Variants in TMTC4 observed in about 807,000 individuals in gnomAD.
The protein encoded by TMTC4 is transmembrane O-mannosyltransferase targeting cadherins 4, also known as protein O-mannosyl-transferase TMTC4.
A neutral mutation model predicts 86.0 loss-of-function variants in TMTC4; 65 were observed. The observed-to-expected ratio is 0.76, with a 90% CI of 0.62 to 0.93. The LOEUF is 0.93. Ranked by LOEUF, TMTC4 falls within the 40% of genes least tolerant of loss-of-function variation. TMTC4 has a pLI of 0.00. For synonymous variants in TMTC4, 379 were observed against 382.5 expected (o/e 0.99, Z 0.11); for missense variants, 866 against 948.1 (o/e 0.91, Z 1.14).
In TMTC4 at chr13:100,642,140, C is replaced by A. The variant is rs1304858591; in HGVS notation, c.741+71G>T. On this transcript the variant is annotated intron_variant, in intron 7 of 18. Coordinates refer to ENST00000342624, the MANE Select transcript of TMTC4 (RefSeq NM_032813.5). ...GAGAACGCCACAGAGGCAGGGCCAG[C>A]CCCAGATGTCTTTATAGGAGGGAAA... 7.2e-6 allele frequency: 11 copies of A among 1,527,482 alleles called. No individual in the cohort carries two copies. The East Asian group carries it at 2.0e-4, about 28-fold the overall frequency. 94.6% of individuals were successfully genotyped at this position (1,527,482 alleles called of 1,614,324 possible).
intron 3 of TMTC4, 73 bp downstream of exon 3, chr13:100,668,506 C>T: frequency 6.9e-7 from 1 of 1,455,916 alleles, no homozygotes; most frequent in East Asian, 2.4e-5. Context: ...GAGAACAATG[C>T]AACACATACT....
At position 100,614,313 on chromosome 13, in the gene TMTC4, T is replaced by C. The variant is rs201824243; in HGVS notation, c.1951+3A>G. 992 of 1,610,238 alleles carry C rather than the reference T, an allele frequency of 6.2e-4. No homozygotes were observed. Among genetic ancestry groups the C allele is most frequent in the Middle Eastern group, 3.0e-3 (18 of 6,046 alleles). ...GTGATTTGTTCCATCCAGCTTTCTG[T>C]ACCTGTATTGTCGAGGAGTATAATC... On this transcript the variant is annotated splice_donor_region_variant and intron_variant, in intron 16 of 18. Coordinates refer to ENST00000342624, the MANE Select transcript of TMTC4 (RefSeq NM_032813.5).
At chr13:100,614,282 T>C (rs756934882) in intron 16 of TMTC4, 34 bp downstream of exon 16, 1 of 1,522,224 alleles carries the variant, frequency 6.6e-7, no homozygotes, top group Non-Finnish European at 9.1e-7. Flanking sequence ...TGTGGAGCCA[T>C]TTCCTGTGAT....
Position 100,636,555 on chromosome 13 carries a change from G to A in TMTC4, c.1179C>T (p.Cys393=), listed in dbSNP as rs759821891. The change falls in exon 10 of 19, where the codon TGC becomes TGT. Residue 393 remains cysteine, a synonymous_variant. Coordinates refer to ENST00000342624, the MANE Select transcript of TMTC4 (RefSeq NM_032813.5). The part of the protein sequence containing the change: ...CLIGLICQAL[C]SEDGHKRRIL... ...ACCTTCTCTTGTGGCCGTCTTCAGA[G>A]CACAGGGCTTGGCATATCAGGCCAA... 3 of 1,614,218 alleles carry A rather than the reference G, an allele frequency of 1.9e-6. No individual in the cohort carries two copies. Among genetic ancestry groups the A allele is most frequent in the South Asian group, 1.1e-5 (1 of 91,082 alleles).
chr13:100,644,990 T>A (rs987869094), intron 6 of TMTC4, among the ~76,000 whole-genome samples: 4 of 152,168 alleles, frequency 2.6e-5, no homozygotes, highest in African/African-American at 9.7e-5. Context: ...AATTTTTGTA[T>A]TTTTAGTAGA....
chr13:100,618,865 A>G (rs1441591054), intron 15 of TMTC4, among the ~76,000 whole-genome samples: 6 of 152,206 alleles, frequency 3.9e-5, no homozygotes, highest in Admixed American at 1.3e-4. Flanking sequence ...ACGGAACAAA[A>G]TGAAAAGTCT....
chr13:100,617,140 T>G (rs1878629825), intron 15 of TMTC4, among the ~76,000 whole-genome samples: 1 of 151,938 alleles, frequency 6.6e-6, no homozygotes, highest in African/African-American at 2.4e-5. Flanking sequence ...TTTTTTTTTT[T>G]AAAGACAGGG....
intron 6 of TMTC4, among the ~76,000 whole-genome samples, chr13:100,648,813 G>A (rs933871256): frequency 2.6e-5 from 4 of 152,142 alleles, no homozygotes; most frequent in Non-Finnish European, 5.9e-5. Flanking sequence ...CCGAATAGCT[G>A]GGACCACAGG....
In TMTC4 at chr13:100,605,226, C is replaced by T. The variant is rs560475229; in HGVS notation, c.2135-84G>A. 1.4e-6 allele frequency: 2 copies of T among 1,459,730 alleles called. No individual in the cohort carries two copies. The highest frequency in any genetic ancestry group is 2.3e-5 in the East Asian group (1 of 42,730). The allele number at this position is 1,459,730 out of a possible 1,614,324, so 90.4% of individuals were successfully genotyped here. ...TACCCTCTTGGACAAAGAAATATTA[C>T]AGATCCTATGCAAACAGTTTTCAAA... On this transcript the variant is annotated intron_variant, in intron 18 of 18. Transcript: ENST00000342624. The surrounding 1 kb of genome is among the most constrained non-coding windows in gnomAD (Gnocchi z 4.3).
In TMTC4 at chr13:100,637,954, T is replaced by A; in HGVS notation, c.810A>T (p.Val270=). ...KFNVLEIVQK[V]LHKDKSLENL... The stretch of plus-strand genomic sequence containing the variant: ...CCTCTAATGACTTGTCCTTATGTAG[T>A]ACCTTCTGGACAATTTCCAGAACAT... Residue 270 remains valine, a synonymous_variant, in exon 8 of 19, where the codon GTA becomes GTT. Transcript: ENST00000342624. 1 of 1,613,966 alleles carries A rather than the reference T, an allele frequency of 6.2e-7. No homozygotes were observed. Among genetic ancestry groups the A allele is most frequent in the South Asian group, 1.1e-5 (1 of 91,042 alleles).
At chr13:100,627,052 C>A (rs1880656578) in intron 12 of TMTC4, among the ~76,000 whole-genome samples, 1 of 152,176 alleles carries the variant, frequency 6.6e-6, no homozygotes, top group South Asian at 2.1e-4. Context: ...CAGGCCCTTA[C>A]CACACACCCA....
At chr13:100,609,554 A>G (rs1877214522) in intron 17 of TMTC4, among the ~76,000 whole-genome samples, 1 of 152,102 alleles carries the variant, frequency 6.6e-6, no homozygotes, top group Non-Finnish European at 1.5e-5. Context: ...TTACTTTTGT[A>G]TTTTTGCTTT....
At position 100,632,340 on chromosome 13, in the gene TMTC4, A is replaced by C. The variant is rs1042083963; in HGVS notation, c.1506+2465T>G. Reference sequence around the variant, plus strand: ...TTCAGTTTCTCCCATCTGGGAAAACAGAGAAAATAATACGCTGTCTCTCTA... The same window carrying C: ...TTCAGTTTCTCCCATCTGGGAAAACCGAGAAAATAATACGCTGTCTCTCTA... On this transcript the variant is annotated intron_variant, in intron 12 of 18. Coordinates refer to ENST00000342624, the MANE Select transcript of TMTC4 (RefSeq NM_032813.5). Among the ~76,000 whole-genome samples the C allele has an allele frequency of 5.9e-5, 9 of 152,362 alleles. No individual in the cohort carries two copies. In the East Asian group the frequency reaches 1.7e-3, roughly 29 times the overall value.
chr13:100,659,079 T>C (rs1408940308), intron 5 of TMTC4, among the ~76,000 whole-genome samples: 1 of 152,002 alleles, frequency 6.6e-6, no homozygotes, highest in East Asian at 1.9e-4. Context: ...ACACTCAGAG[T>C]TTTCTGGAGA....
intron 17 of TMTC4, among the ~76,000 whole-genome samples, chr13:100,611,933 T>C (rs888298530): frequency 1.3e-5 from 2 of 152,176 alleles, no homozygotes; most frequent in African/African-American, 4.8e-5. Context: ...CATGGGCTGG[T>C]TATTCTTTTG....
chr13:100,619,470 A>G (rs906230608), intron 15 of TMTC4, among the ~76,000 whole-genome samples: 14 of 152,204 alleles, frequency 9.2e-5, no homozygotes, highest in Non-Finnish European at 2.1e-4. Flanking sequence ...AACTCTGCAA[A>G]AAGTACAAAT....
chr13:100,615,430 CGCG>C (rs1435297131), intron 15 of TMTC4, among the ~76,000 whole-genome samples: 2 of 150,374 alleles, frequency 1.3e-5, no homozygotes, highest in Admixed American at 6.7e-5. Context: ...CGTGAGCCAC[CGCG>C]CCAGGCGTAT....
intron 1 of TMTC4, among the ~76,000 whole-genome samples, chr13:100,671,813 G>A (rs1308883557): frequency 6.7e-6 from 1 of 148,898 alleles, no homozygotes; most frequent in Non-Finnish European, 1.5e-5. Context: ...TCTTTTCTTT[G>A]AAGGGATTTA....
chr13:100,609,623 T>C (rs556360873), intron 17 of TMTC4, among the ~76,000 whole-genome samples: 2 of 152,258 alleles, frequency 1.3e-5, no homozygotes, highest in South Asian at 2.1e-4. Flanking sequence ...TTTTAATACA[T>C]TTTAATGATC....
Sources: gnomAD v4.1 joint callset for allele counts (sites outside exome capture counted in the v4.1 genomes callset) on GRCh38, gnomAD v4.1.1 for gene constraint, Gnocchi (gnomAD v3.1) non-coding constraint, MANE v1.5 for transcripts, NCBI Gene and HGNC (gene_info 2026-07-23, HGNC 2026-07-21) for gene names.